SV2B: variants seen among roughly 807,000 people sequenced by gnomAD.
The protein encoded by SV2B is synaptic vesicle glycoprotein 2B.
Under a neutral mutation model 73.9 loss-of-function variants are expected in SV2B, and 41 were observed. The ratio of observed to expected loss-of-function variants is 0.56; its 90% CI spans 0.43 to 0.72. The LOEUF (loss-of-function observed/expected upper bound fraction) is 0.72, where lower values mean the gene tolerates loss of function less well. Among genes scored for constraint, SV2B ranks in the 30% least tolerant of loss-of-function variants. The pLI, the probability that SV2B is intolerant of heterozygous loss-of-function variation, is 0.00. For synonymous variants in SV2B, 314 were observed against 314.2 expected (o/e 1.00, Z 0.01); for missense variants, 764 against 857.8 (o/e 0.89, Z 1.37).
chr15:91,166,466 G>A lies in SV2B; in HGVS notation c.-391-59407G>A, dbSNP rs2043914893. Among the ~76,000 whole-genome samples, 3 of 151,920 alleles carry A rather than the reference G, an allele frequency of 2.0e-5. No individual in the cohort carries two copies. The South Asian group carries it at 6.2e-4, about 32-fold the overall frequency. On this transcript the variant is annotated intron_variant, in intron 1 of 12. Coordinates refer to ENST00000394232, the MANE Select transcript of SV2B (RefSeq NM_001323032.3). ...CTATTTGAGTTTCACTAAACTTCTT[G>A]AATATGTAAATTTATGTCCTATAAT...
Position 91,148,298 on chromosome 15 carries a change from A to G in SV2B, c.-392+47935A>G, listed in dbSNP as rs191818122. ...CTGGCCTGTTCCCTTTTAACAAGAA[A>G]TGAAGTAGCATTTTAGAGCCCCTCT... On this transcript the variant is annotated intron_variant, in intron 1 of 12. Transcript: ENST00000394232. 6.5e-3 allele frequency among the ~76,000 whole-genome samples: 989 copies of G among 152,086 alleles called. 9 individuals are homozygous for G. Among genetic ancestry groups the G allele is most frequent in the African/African-American group, 0.022 (929 of 41,490 alleles).
rs1006119296 is a variant in SV2B at position 91,124,371 on chromosome 15, C to T, written c.-392+24008C>T. 6.6e-6 allele frequency among the ~76,000 whole-genome samples: 1 copy of T among 152,130 alleles called. No individual in the cohort carries two copies. Among genetic ancestry groups the T allele is most frequent in the African/African-American group, 2.4e-5 (1 of 41,428 alleles). On this transcript the variant is annotated intron_variant, in intron 1 of 12. Transcript: ENST00000394232. The surrounding 1 kb of genome is among the most constrained non-coding windows in gnomAD (Gnocchi z 4.6). ...AGGATTGTGAAGCTAATGGCACCTC[C>T]TTCCTCAGGAAGTGAGACACCTGCA...
intron 1 of SV2B, among the ~76,000 whole-genome samples, chr15:91,193,283 GT>G (rs1254910463): frequency 6.6e-6 from 1 of 152,196 alleles, no homozygotes; most frequent in Admixed American, 6.5e-5. Context: ...CCAGCACATA[GT>G]AGTACGTCAA....
intron 1 of SV2B, among the ~76,000 whole-genome samples, chr15:91,198,205 G>A (rs1048541575): frequency 5.3e-5 from 8 of 152,072 alleles, no homozygotes; most frequent in African/African-American, 1.9e-4. Flanking sequence ...GCAAAAGGCC[G>A]AGGAAGCCAA....
chr15:91,282,536 G>T (rs188671796), intron 10 of SV2B, among the ~76,000 whole-genome samples: 16 of 152,234 alleles, frequency 1.1e-4, no homozygotes, highest in Middle Eastern at 3.4e-3. Context: ...AGGGAGAAAT[G>T]TACTATTTTT....
At chr15:91,183,522 A>G (rs926520494) in intron 1 of SV2B, among the ~76,000 whole-genome samples, 10 of 152,354 alleles carry the variant, frequency 6.6e-5, no homozygotes, top group Admixed American at 6.5e-4. Flanking sequence ...TTATGAGTCC[A>G]AACTTTGAGA....
chr15:91,102,130 A>G (rs2041744713), intron 1 of SV2B: 1 of 152,224 alleles, frequency 6.6e-6, no homozygotes, highest in Admixed American at 6.5e-5. Context: ...CTGGGAGATG[A>G]AAATCCAATC....
At chr15:91,276,334 G>A (rs866885733) in intron 9 of SV2B, among the ~76,000 whole-genome samples, 3 of 151,830 alleles carry the variant, frequency 2.0e-5, no homozygotes, top group Middle Eastern at 3.4e-3. Flanking sequence ...GGTTCTATAA[G>A]TTTTATGAAC....
At chr15:91,189,820 C>G (rs892597922) in intron 1 of SV2B, among the ~76,000 whole-genome samples, 1 of 152,162 alleles carries the variant, frequency 6.6e-6, no homozygotes, top group Admixed American at 6.5e-5. Context: ...AACACTATCT[C>G]TACTAAAAAT....
At position 91,226,108 on chromosome 15, in the gene SV2B, G is replaced by T. The variant is rs368305398; in HGVS notation, c.-156G>T. The T allele has an allele frequency of 5.4e-5, 38 of 697,724 alleles. No homozygotes were observed. The highest frequency in any genetic ancestry group is 4.0e-4 in the Middle Eastern group (1 of 2,498). 43.2% of individuals were successfully genotyped at this position (697,724 alleles called of 1,614,324 possible). On this transcript the variant is annotated 5_prime_UTR_variant, in exon 2 of 13. Transcript: ENST00000394232. ...ATCTGGTTGATTTGAGAGATAAAGG[G>T]GGGGGGAACCAGTGTGACTTTCACC...
chr15:91,174,123 G>A (rs891428978), intron 1 of SV2B, among the ~76,000 whole-genome samples: 3 of 152,146 alleles, frequency 2.0e-5, no homozygotes, highest in South Asian at 2.1e-4. Flanking sequence ...AAGAGCCAGC[G>A]GAACATTGCA....
rs2042417833 is a variant in SV2B at position 91,124,327 on chromosome 15, C to G, written c.-392+23964C>G. On this transcript the variant is annotated intron_variant, in intron 1 of 12. Coordinates refer to ENST00000394232, the MANE Select transcript of SV2B (RefSeq NM_001323032.3). This position sits in a 1 kb window ranked among gnomAD's most constrained non-coding sequence, Gnocchi z 4.6. ...TGTTTCCTTCTGTGAGGCACGACTT[C>G]CCAGGCAGGACTCTTGGGAGGATTG... Among the ~76,000 whole-genome samples, 1 of 152,130 alleles carries G rather than the reference C, an allele frequency of 6.6e-6. No individual in the cohort carries two copies. Among genetic ancestry groups the G allele is most frequent in the Admixed American group, 6.5e-5 (1 of 15,280 alleles).
chr15:91,289,711 C>A lies in SV2B; in HGVS notation c.1868+31C>A, dbSNP rs762751687. On this transcript the variant is annotated intron_variant, in intron 12 of 12. Coordinates refer to ENST00000394232, the MANE Select transcript of SV2B (RefSeq NM_001323032.3). This position sits in a 1 kb window ranked among gnomAD's most constrained non-coding sequence, Gnocchi z 4.9. ...TTCTTCCCCAGGCTTTCCTCAGGGA[C>A]TTGTTTGGGCTTCTTTGGCCAGAAG... 5.6e-6 allele frequency: 9 copies of A among 1,599,774 alleles called. No individual in the cohort carries two copies. The highest frequency in any genetic ancestry group is 7.7e-6 in the Non-Finnish European group (9 of 1,172,732).
intron 2 of SV2B, among the ~76,000 whole-genome samples, chr15:91,238,638 T>A (rs1429039542): frequency 6.6e-6 from 1 of 152,136 alleles, no homozygotes; most frequent in East Asian, 1.9e-4. Flanking sequence ...GAGAGAGGGA[T>A]GTTGTTTGTG....
At chr15:91,168,331 A>AGAGAGAGAGAGAGAG (rs58086579) in intron 1 of SV2B, among the ~76,000 whole-genome samples, 11 of 151,002 alleles carry the variant, frequency 7.3e-5, no homozygotes, top group South Asian at 2.1e-4. Context: ...AGAGAGAGAG[A>AGAGAGAGAGAGAGAG]AAAGAAATTT....
Position 91,252,188 on chromosome 15 carries a change from C to A in SV2B, c.633-181C>A, listed in dbSNP as rs534889358. On this transcript the variant is annotated intron_variant, in intron 3 of 12. Coordinates refer to ENST00000394232, the MANE Select transcript of SV2B (RefSeq NM_001323032.3). The surrounding 1 kb of genome is among the most constrained non-coding windows in gnomAD (Gnocchi z 4.6). ...AGGATTAGCCTCTGAAGTCAGCATGCAATGTCAAAATAATCCAAGACTGCT... is the reference window on the plus strand; with the variant it reads ...AGGATTAGCCTCTGAAGTCAGCATGAAATGTCAAAATAATCCAAGACTGCT... Among the ~76,000 whole-genome samples the A allele has an allele frequency of 6.6e-6, 1 of 152,300 alleles. No individual in the cohort carries two copies. Among genetic ancestry groups the A allele is most frequent in the Non-Finnish European group, 1.5e-5 (1 of 68,026 alleles).
At chr15:91,192,637 A>C (rs1380220253) in intron 1 of SV2B, among the ~76,000 whole-genome samples, 1 of 152,254 alleles carries the variant, frequency 6.6e-6, no homozygotes, top group Non-Finnish European at 1.5e-5. Flanking sequence ...AATGGCTAAC[A>C]TAATTCTTCC....
chr15:91,228,297 C>T (rs1438811635), intron 2 of SV2B, among the ~76,000 whole-genome samples: 4 of 152,082 alleles, frequency 2.6e-5, no homozygotes, highest in Non-Finnish European at 5.9e-5. Context: ...AGTTTTTAAA[C>T]ACCAACATAA....
At chr15:91,201,886 G>T (rs148032643) in intron 1 of SV2B, among the ~76,000 whole-genome samples, 81 of 152,240 alleles carry the variant, frequency 5.3e-4, no homozygotes, top group Middle Eastern at 3.4e-3. Flanking sequence ...CTCTTTCCTT[G>T]TGCCTAGCCT....
Sources: allele counts gnomAD v4.1 joint callset (sites outside exome capture counted in the v4.1 genomes callset), GRCh38; gene constraint gnomAD v4.1.1; non-coding constraint Gnocchi (gnomAD v3.1); transcripts MANE v1.5; gene names NCBI Gene and HGNC (gene_info 2026-07-23, HGNC 2026-07-21).